Variants in PVT1 observed in about 807,000 individuals in gnomAD.
PVT1 encodes CXCR4/PVT1 fusion.
chr8:127,906,632 A>G (rs1250752207), intron 3 of PVT1, among the ~76,000 whole-genome samples: 3 of 152,100 alleles, frequency 2.0e-5, no homozygotes, highest in Non-Finnish European at 4.4e-5. Flanking sequence ...CTGTTTTGCC[A>G]TCCGGAGAAT....
intron 3 of PVT1, among the ~76,000 whole-genome samples, chr8:127,922,269 G>T (rs1333416091): frequency 3.6e-5 from 3 of 82,728 alleles, no homozygotes; most frequent in African/African-American, 1.3e-4. Flanking sequence ...CTTTTTCCAA[G>T]ATACCCACCC....
intron 2 of PVT1, among the ~76,000 whole-genome samples, chr8:127,856,067 A>G (rs1815156647): frequency 6.6e-6 from 1 of 152,264 alleles, no homozygotes; most frequent in Admixed American, 6.5e-5. Flanking sequence ...TCAAAAGTAG[A>G]GCAAGAAACT....
intron 4 of PVT1, among the ~76,000 whole-genome samples, chr8:128,056,362 C>T (rs918679440): frequency 6.6e-6 from 1 of 152,170 alleles, no homozygotes; most frequent in African/African-American, 2.4e-5. Flanking sequence ...GGTATGTATA[C>T]TCATATATGC....
chr8:127,972,413 A>G lies in PVT1; in HGVS notation n.783-16749A>G, dbSNP rs549736492. Among the ~76,000 whole-genome samples the G allele has an allele frequency of 6.6e-5, 10 of 152,292 alleles. 1 individual carries two copies. Among genetic ancestry groups the G allele is most frequent in the Admixed American group, 6.5e-4 (10 of 15,304 alleles). ...AGCTGTTGAACTGTGGCCTAAGTCA[A>G]TTATCACTGGGTTGCTCCTGCTTGA... On this transcript the variant is annotated intron_variant and non_coding_transcript_variant, in intron 3 of 10. Transcript: ENST00000651587.
At chr8:127,804,087 G>C (rs913331048) in intron 2 of PVT1, among the ~76,000 whole-genome samples, 2 of 151,974 alleles carry the variant, frequency 1.3e-5, no homozygotes, top group Non-Finnish European at 2.9e-5. Flanking sequence ...TTGGTGGCAC[G>C]CACCTGTATT....
chr8:127,806,258 C>G (rs563529479), intron 2 of PVT1, among the ~76,000 whole-genome samples: 5 of 152,156 alleles, frequency 3.3e-5, no homozygotes, highest in African/African-American at 1.2e-4. Flanking sequence ...GTCAGGCGTT[C>G]GAGACCATCC....
rs140198457 is a variant in PVT1, at chr8:127,898,221, AAAAG to A, written n.782+7243_782+7246del. 0.046 allele frequency among the ~76,000 whole-genome samples: 6,913 copies of A among 151,910 alleles called. 345 individuals carry two copies. Among genetic ancestry groups the A allele is most frequent in the African/African-American group, 0.13 (5,261 of 41,336 alleles). On this transcript the variant is annotated intron_variant and non_coding_transcript_variant, in intron 3 of 10. Coordinates refer to ENST00000651587, the Ensembl canonical transcript of PVT1. This position sits in a 1 kb window ranked among gnomAD's most constrained non-coding sequence, Gnocchi z 4.4. ...CGTGAAGAAAGAAGAGAAAAGAAAG[AAAAG>A]AAAGAAAGAAAGAAAGAAACGAAGG... is the stretch of plus-strand genomic sequence containing the variant.
intron 4 of PVT1, among the ~76,000 whole-genome samples, chr8:128,069,826 G>A (rs944150022): frequency 1.3e-5 from 2 of 152,148 alleles, no homozygotes; most frequent in African/African-American, 4.8e-5. Context: ...AAATCTGGCT[G>A]TGTTTTTTTC....
intron 4 of PVT1, among the ~76,000 whole-genome samples, chr8:128,003,614 T>G (rs2130022439): frequency 6.6e-6 from 1 of 152,372 alleles, no homozygotes; most frequent in Admixed American, 6.5e-5. Flanking sequence ...ATTACGGGTG[T>G]GCGCCATTGC....
intron 3 of PVT1, among the ~76,000 whole-genome samples, chr8:127,911,915 C>T (rs1815902767): frequency 6.6e-6 from 1 of 152,170 alleles, no homozygotes; most frequent in South Asian, 2.1e-4. Flanking sequence ...TGAACCTCAC[C>T]ACAGGTTTAC....
chr8:127,996,288 A>T (rs1445550052), intron 4 of PVT1, among the ~76,000 whole-genome samples: 1 of 151,810 alleles, frequency 6.6e-6, no homozygotes, highest in African/African-American at 2.4e-5. Context: ...CCTGCACCAC[A>T]TAGACCCTGG....
intron 2 of PVT1, among the ~76,000 whole-genome samples, chr8:127,877,896 A>C (rs144397969): frequency 6.6e-6 from 1 of 152,168 alleles, no homozygotes; most frequent in Non-Finnish European, 1.5e-5. Context: ...ACTGCACTCC[A>C]GCCTGGGTGA....
intron 2 of PVT1, among the ~76,000 whole-genome samples, chr8:127,859,499 A>G (rs980010945): frequency 6.6e-6 from 1 of 152,106 alleles, no homozygotes; most frequent in Non-Finnish European, 1.5e-5. Context: ...TAAATAATTA[A>G]GTGGCAAACA....
At chr8:127,918,678 C>T (rs188964782) in intron 3 of PVT1, among the ~76,000 whole-genome samples, 112 of 152,322 alleles carry the variant, frequency 7.4e-4, no homozygotes, top group Admixed American at 2.4e-3. Flanking sequence ...ATCCATACAG[C>T]TCCTCTAGCT....
intron 4 of PVT1, among the ~76,000 whole-genome samples, chr8:128,013,077 T>A (rs1238471463): frequency 1.3e-5 from 2 of 152,200 alleles, no homozygotes; most frequent in Non-Finnish European, 2.9e-5. Flanking sequence ...CCTTCTTCCC[T>A]GAAGCCATCC....
rs111680009 is a variant in PVT1, at chr8:127,820,702, G to A, written n.372+24631G>A. ...TTGGCCTCTCTGAGTCTTAGGTTTT[G>A]TTTTTTTTTTTTCTTTTGTGTTTTT... On this transcript the variant is annotated intron_variant and non_coding_transcript_variant, in intron 2 of 10. Transcript: ENST00000651587. Among the ~76,000 whole-genome samples the A allele has an allele frequency of 4.4e-3, 640 of 144,690 alleles. 5 individuals are homozygous for A. Among genetic ancestry groups the A allele is most frequent in the African/African-American group, 0.015 (589 of 39,758 alleles). 94.9% of individuals were successfully genotyped at this position (144,690 alleles called of 152,430 possible).
chr8:128,033,410 AGT>A (rs1320772318), intron 4 of PVT1, among the ~76,000 whole-genome samples: 5 of 152,200 alleles, frequency 3.3e-5, no homozygotes, highest in Non-Finnish European at 7.3e-5. Flanking sequence ...TCTCCCTCAC[AGT>A]GTTGCTTGGA....
intron 6 of PVT1, among the ~76,000 whole-genome samples, chr8:128,097,945 C>T (rs1245814936): frequency 1.3e-5 from 2 of 152,162 alleles, no homozygotes; most frequent in African/African-American, 4.8e-5. Context: ...GGGACTTAGA[C>T]GAGGCTCTGG....
rs1563673627 is a variant in PVT1 at position 128,042,733 on chromosome 8, G to GATTTA, written n.913-27427_913-27426insATTTA. On this transcript the variant is annotated intron_variant and non_coding_transcript_variant, in intron 4 of 10. Coordinates refer to ENST00000651587, the Ensembl canonical transcript of PVT1. ...CATCTATGAGGAGATTGGACTAGGT[G>GATTTA]GTTTATTTTATTTTATTTTATTTTA... Among the ~76,000 whole-genome samples, 455 of 78,232 alleles carry GATTTA rather than the reference G, an allele frequency of 5.8e-3. 2 individuals carry two copies. Among genetic ancestry groups the GATTTA allele is most frequent in the African/African-American group, 0.019 (435 of 23,304 alleles). The allele number at this position is 78,232 out of a possible 152,430, so 51.3% of individuals were successfully genotyped here.
Sources: allele counts gnomAD v4.1 joint callset (sites outside exome capture counted in the v4.1 genomes callset), GRCh38; gene constraint gnomAD v4.1.1; non-coding constraint Gnocchi (gnomAD v3.1); transcripts MANE v1.5; gene names NCBI Gene and HGNC (gene_info 2026-07-23, HGNC 2026-07-21).